Variants in CRYZ observed in about 807,000 individuals in gnomAD.
CRYZ encodes zeta-crystallin.
CRYZ carries 35 observed loss-of-function variants against 34.1 expected under a neutral mutation model. The ratio of observed to expected loss-of-function variants is 1.03; its 90% CI spans 0.78 to 1.36. The LOEUF is 1.36. Among genes scored for constraint, CRYZ ranks in the 40% most tolerant of loss-of-function variants. The probability of loss-of-function intolerance (pLI) is 0.00; values close to 1 mark genes in which losing one functional copy is unlikely to be tolerated. For synonymous variants in CRYZ, 137 were observed against 136.5 expected, an observed-to-expected ratio of 1.00 and a Z score of -0.03; for missense variants, 403 against 391.8, an observed-to-expected ratio of 1.03 and a Z score of -0.24.
chr1:74,715,527 C>T (rs1647059658), intron 4 of CRYZ, among the ~76,000 whole-genome samples: 2 of 152,186 alleles, frequency 1.3e-5, no homozygotes, highest in Admixed American at 1.3e-4. Context: ...GTCCTGCTCC[C>T]AGCTATGCAC....
chr1:74,729,776 A>G (rs1277466836), intron 1 of CRYZ, among the ~76,000 whole-genome samples: 1 of 152,196 alleles, frequency 6.6e-6, no homozygotes, highest in Non-Finnish European at 1.5e-5. Flanking sequence ...ACAAGCTCTT[A>G]TTCTCAAAGA....
At chr1:74,727,137 A>G (rs1302700076) in intron 1 of CRYZ, among the ~76,000 whole-genome samples, 1 of 151,216 alleles carries the variant, frequency 6.6e-6, no homozygotes, top group Non-Finnish European at 1.5e-5. Flanking sequence ...ATTGTTACCC[A>G]GTTTCAAAGT....
At chr1:74,723,758 G>A (rs1570010543) in intron 2 of CRYZ, among the ~76,000 whole-genome samples, 1 of 152,324 alleles carries the variant, frequency 6.6e-6, no homozygotes, top group African/African-American at 2.4e-5. Context: ...GGGTGGCAGA[G>A]CCACATGAAA....
intron 5 of CRYZ, among the ~76,000 whole-genome samples, chr1:74,714,299 G>A (rs1278084116): frequency 2.6e-5 from 4 of 151,940 alleles, no homozygotes; most frequent in Non-Finnish European, 2.9e-5. Context: ...GCTACTTGAA[G>A]GCAAAAACAA....
intron 4 of CRYZ, among the ~76,000 whole-genome samples, chr1:74,715,858 G>A (rs904515237): frequency 2.0e-5 from 3 of 151,840 alleles, no homozygotes; most frequent in South Asian, 4.2e-4. Context: ...AACTTGACTG[G>A]GCCAAGGAAC....
intron 6 of CRYZ, chr1:74,708,738 A>T (rs1265142801): frequency 6.6e-6 from 1 of 152,206 alleles, no homozygotes; most frequent in Admixed American, 6.6e-5. Flanking sequence ...GGCCAAAGAC[A>T]GTTTTGGAAA....
chr1:74,730,061 A>T (rs913683143), intron 1 of CRYZ, among the ~76,000 whole-genome samples: 1 of 152,080 alleles, frequency 6.6e-6, no homozygotes, highest in Admixed American at 6.6e-5. Flanking sequence ...CTCACATCTC[A>T]TGATTACCAT....
intron 4 of CRYZ, among the ~76,000 whole-genome samples, chr1:74,717,591 TC>T (rs950702298): frequency 2.0e-5 from 3 of 152,178 alleles, no homozygotes; most frequent in Non-Finnish European, 2.9e-5. Context: ...ACACATTACC[TC>T]CAAGTAATTC....
intron 4 of CRYZ, among the ~76,000 whole-genome samples, chr1:74,717,232 TA>T (rs950615319): frequency 5.3e-4 from 78 of 146,134 alleles, no homozygotes; most frequent in African/African-American, 1.0e-3. Context: ...TGTCTATCCT[TA>T]AAAAAAAAAA....
intron 1 of CRYZ, chr1:74,732,675 C>G (rs1208061188): frequency 6.7e-6 from 1 of 148,924 alleles, no homozygotes; most frequent in Non-Finnish European, 1.5e-5. Flanking sequence ...GGGGTAGTGC[C>G]AACGGACACC....
intron 1 of CRYZ, among the ~76,000 whole-genome samples, chr1:74,732,607 G>C (rs1365621781): frequency 1.3e-5 from 1 of 75,648 alleles, no homozygotes; most frequent in African/African-American, 6.7e-5. Flanking sequence ...CGGGGGGGGG[G>C]GGGGGGGGTG....
intron 3 of CRYZ, among the ~76,000 whole-genome samples, chr1:74,721,559 GAA>G (rs1208701246): frequency 1.3e-5 from 2 of 152,158 alleles, no homozygotes; most frequent in South Asian, 4.1e-4. Context: ...GAATTCCAGG[GAA>G]AAGAGAAAGT....
At chr1:74,724,074 A>G (rs1437305772) in intron 2 of CRYZ, among the ~76,000 whole-genome samples, 1 of 152,182 alleles carries the variant, frequency 6.6e-6, no homozygotes, top group Non-Finnish European at 1.5e-5. Context: ...AGACAGAGAA[A>G]TGAAAGGAAG....
At chr1:74,720,540 C>T (rs1647145546) in intron 3 of CRYZ, among the ~76,000 whole-genome samples, 2 of 152,066 alleles carry the variant, frequency 1.3e-5, no homozygotes, top group Non-Finnish European at 2.9e-5. Flanking sequence ...AGTAGATATT[C>T]CTTAGAATAG....
At chr1:74,712,927 G>A (rs141307450) in intron 5 of CRYZ, among the ~76,000 whole-genome samples, 1,589 of 152,160 alleles carry the variant, frequency 0.01, 31 homozygotes, top group African/African-American at 0.036. Context: ...TACTTATTTT[G>A]CTAACACTAA....
chr1:74,725,995 G>A (rs1259063223), intron 1 of CRYZ, among the ~76,000 whole-genome samples: 2 of 152,202 alleles, frequency 1.3e-5, no homozygotes, highest in East Asian at 3.9e-4. Flanking sequence ...CATGGCCTTG[G>A]GCAGCTCTGC....
At chr1:74,718,434 TGGA>T (rs1423018430) in intron 4 of CRYZ, among the ~76,000 whole-genome samples, 1 of 152,122 alleles carries the variant, frequency 6.6e-6, no homozygotes, top group African/African-American at 2.4e-5. Flanking sequence ...TACAGAGCAA[TGGA>T]TAAGCTCTAT....
intron 4 of CRYZ, among the ~76,000 whole-genome samples, chr1:74,716,277 C>A (rs769762611): frequency 6.6e-6 from 1 of 151,728 alleles, no homozygotes; most frequent in Non-Finnish European, 1.5e-5. Context: ...TAGATCAGAT[C>A]AAATAGAAGA....
chr1:74,723,041 G>T (rs967935486), intron 3 of CRYZ, 77 bp downstream of exon 3: 22 of 1,431,604 alleles, frequency 1.5e-5, no homozygotes, highest in Non-Finnish European at 2.1e-5. Context: ...CCTTAAATAA[G>T]ATGCAGTTGA....
Sources: allele counts gnomAD v4.1 joint callset (sites outside exome capture counted in the v4.1 genomes callset), GRCh38; gene constraint gnomAD v4.1.1; transcripts MANE v1.5; gene names NCBI Gene and HGNC (gene_info 2026-07-23, HGNC 2026-07-21).